The following TNPO2 variants were observed in gnomAD, a reference collection of about 807,000 sequenced individuals.
TNPO2 encodes transportin 2, also known as transportin-2.
TNPO2 carries 16 observed loss-of-function variants against 111.1 expected under a neutral mutation model. The observed-to-expected ratio is 0.14, with a 90% CI of 0.10 to 0.22. TNPO2 has a LOEUF of 0.22. Among genes scored for constraint, TNPO2 ranks in the 10% least tolerant of loss-of-function variants. The pLI, the probability that TNPO2 is intolerant of heterozygous loss-of-function variation, is 1.00. For missense variants in TNPO2, 530 were observed against 1,173.7 expected, an observed-to-expected ratio of 0.45 and a Z score of 8.01; for synonymous variants, 481 against 475.8, an observed-to-expected ratio of 1.01 and a Z score of -0.14.
intron 20 of TNPO2, 193 bp from the exon 21 acceptor site, chr19:12,703,111 C>A (rs1436708642): frequency 6.7e-6 from 4 of 598,376 alleles, no homozygotes; most frequent in Middle Eastern, 4.4e-4. Context: ...GACCCACACC[C>A]TCCAAACAAC....
At chr19:12,710,142 C>T (rs775789195) in intron 13 of TNPO2, among the ~76,000 whole-genome samples, 1 of 152,084 alleles carries the variant, frequency 6.6e-6, no homozygotes, top group Non-Finnish European at 1.5e-5. Flanking sequence ...CCACCTACCA[C>T]GGGTTACTAC....
chr19:12,705,076 C>T lies in TNPO2; in HGVS notation c.2022+164G>A, dbSNP rs973352043. Among the ~76,000 whole-genome samples, 1 of 152,198 alleles carries T rather than the reference C, an allele frequency of 6.6e-6. No homozygotes were observed. Among genetic ancestry groups the T allele is most frequent in the Middle Eastern group, 3.4e-3 (1 of 294 alleles). On this transcript the variant is annotated intron_variant, in intron 18 of 25. Coordinates refer to ENST00000425528, the MANE Select transcript of TNPO2 (RefSeq NM_001382241.1). The surrounding 1 kb of genome is among the most constrained non-coding windows in gnomAD (Gnocchi z 7.2). Reference sequence around the variant, plus strand: ...TGTTGCCCAGGCTGGTCTCAAACTCCTGGGCTCAAGCAATCCTGCCTCGGC... The same window carrying T: ...TGTTGCCCAGGCTGGTCTCAAACTCTTGGGCTCAAGCAATCCTGCCTCGGC...
Position 12,706,651 on chromosome 19 carries a change from T to G in TNPO2, c.1415A>C (p.Asp472Ala). ...YAHWVVSQPP[D>A]MHLKPLMTEL... ...TGTCATCAGGGGCTTGAGGTGCATG[T>G]CGGGTGGCTGGCTGACCACCCAGTG... The change falls in exon 14 of 26, where the codon GAC becomes GCC. Residue 472 changes from aspartate to alanine, a missense_variant. Asp to Ala is a moderately radical substitution (Grantham distance 126). Around this residue, in one of 4 missense-constraint regions of TNPO2, gnomAD observed 183 missense variants for 481.0 expected, o/e 0.38. Coordinates refer to ENST00000425528, the MANE Select transcript of TNPO2 (RefSeq NM_001382241.1). The surrounding 1 kb of genome is among the most constrained non-coding windows in gnomAD (Gnocchi z 7.0). 1 of 1,613,956 alleles carries G rather than the reference T, an allele frequency of 6.2e-7. No individual in the cohort carries two copies. Among genetic ancestry groups the G allele is most frequent in the Non-Finnish European group, 8.5e-7 (1 of 1,179,882 alleles).
chr19:12,718,032 T>C (rs1381424622), intron 5 of TNPO2, among the ~76,000 whole-genome samples: 3 of 151,622 alleles, frequency 2.0e-5, no homozygotes, highest in Non-Finnish European at 4.4e-5. Context: ...TGAGATGGAG[T>C]CTTGCTCTGT....
intron 2 of TNPO2, chr19:12,722,354 C>G (rs1486701317): frequency 6.6e-6 from 1 of 150,642 alleles, no homozygotes; most frequent in Middle Eastern, 3.2e-3. Context: ...AACCGGCTTC[C>G]CGGCCTTTCC....
At chr19:12,720,752 G>A in intron 3 of TNPO2, 127 bp downstream of exon 3, 1 of 1,175,402 alleles carries the variant, frequency 8.5e-7, no homozygotes, top group Non-Finnish European at 1.2e-6. Context: ...TCTGTCCAGG[G>A]CAGATCCTCC....
intron 5 of TNPO2, among the ~76,000 whole-genome samples, 173 bp downstream of exon 5, chr19:12,718,856 C>T (rs952791918): frequency 2.0e-5 from 3 of 152,118 alleles, no homozygotes; most frequent in African/African-American, 7.2e-5. Flanking sequence ...CTGCTGCTTA[C>T]CCAGACAGGT....
chr19:12,707,634 G>A (rs67226103), intron 13 of TNPO2, among the ~76,000 whole-genome samples: 32,731 of 150,042 alleles, frequency 0.22, 4,506 homozygotes, highest in Non-Finnish European at 0.29. Flanking sequence ...GACTGCAGGC[G>A]CCCGCCACCA....
chr19:12,722,622 AG>A (rs1967075932), intron 2 of TNPO2: 1 of 145,584 alleles, frequency 6.9e-6, no homozygotes. Context: ...ACGCGGCCGT[AG>A]GTGAGCCGCC....
At position 12,712,644 on chromosome 19, in the gene TNPO2, C is replaced by A. The variant is rs536232813; in HGVS notation, c.891-1031G>T. Among the ~76,000 whole-genome samples, 17 of 152,320 alleles carry A rather than the reference C, an allele frequency of 1.1e-4. 1 individual carries two copies. In the East Asian group the frequency reaches 3.3e-3, roughly 29 times the overall value. ...GCCTCGGCTGCCAGGCAGGGAAGGGCCCCCTGTCCAGTGGACACGTGACCC... is the reference window on the plus strand; with the variant it reads ...GCCTCGGCTGCCAGGCAGGGAAGGGACCCCTGTCCAGTGGACACGTGACCC... On this transcript the variant is annotated intron_variant, in intron 10 of 25. Transcript: ENST00000425528.
Position 12,705,798 on chromosome 19 carries a change from C to A in TNPO2, c.1669-30G>T. On this transcript the variant is annotated intron_variant, in intron 15 of 25. Coordinates refer to ENST00000425528, the MANE Select transcript of TNPO2 (RefSeq NM_001382241.1). The surrounding 1 kb of genome is among the most constrained non-coding windows in gnomAD (Gnocchi z 7.2). ...AGAGGGAGCACGAAATGGGCGCTCC[C>A]TGGGTCGGGGTGGCAGACTGTGACT... 2 of 1,431,976 alleles carry A rather than the reference C, an allele frequency of 1.4e-6. No homozygotes were observed. The highest frequency in any genetic ancestry group is 1.9e-6 in the Non-Finnish European group (2 of 1,080,388). The allele number at this position is 1,431,976 out of a possible 1,614,324, so 88.7% of individuals were successfully genotyped here. A position where few individuals can be genotyped will look rare whatever the true frequency, so the allele number is the denominator to read the frequency against.
At chr19:12,716,230 C>G (rs142499673) in intron 5 of TNPO2, among the ~76,000 whole-genome samples, 1 of 152,294 alleles carries the variant, frequency 6.6e-6, no homozygotes, top group East Asian at 1.9e-4. Context: ...TACTGTGAGT[C>G]AACTCTGTTC....
chr19:12,704,859 T>A (rs998177824), intron 18 of TNPO2, among the ~76,000 whole-genome samples: 2 of 152,064 alleles, frequency 1.3e-5, no homozygotes, highest in Admixed American at 6.6e-5. Context: ...ATTTTTGTAT[T>A]TTTCGTAGAG....
rs1392002626 is a variant in TNPO2 at position 12,705,784 on chromosome 19, G to A, written c.1669-16C>T. 11 of 1,446,332 alleles carry A rather than the reference G, an allele frequency of 7.6e-6. No individual in the cohort carries two copies. In the South Asian group the frequency reaches 8.8e-5, roughly 12 times the overall value. 89.6% of individuals were successfully genotyped at this position (1,446,332 alleles called of 1,614,324 possible). A position where few individuals can be genotyped will look rare whatever the true frequency, so the allele number is the denominator to read the frequency against. ...GGATGTATTCCTGGAGAGGGAGCAC[G>A]AAATGGGCGCTCCCTGGGTCGGGGT... On this transcript the variant is annotated splice_polypyrimidine_tract_variant and intron_variant, in intron 15 of 25. Transcript: ENST00000425528. This position sits in a 1 kb window ranked among gnomAD's most constrained non-coding sequence, Gnocchi z 7.2.
In TNPO2 at chr19:12,719,194, C is replaced by T; in HGVS notation, c.176-16G>A. On this transcript the variant is annotated splice_polypyrimidine_tract_variant and intron_variant, in intron 4 of 25. Coordinates refer to ENST00000425528, the MANE Select transcript of TNPO2 (RefSeq NM_001382241.1). The surrounding 1 kb of genome is among the most constrained non-coding windows in gnomAD (Gnocchi z 5.0). ...GTTGGCTCATCTGGGAGGAGGAAGGCTGAGGTTCAGGGGCCCAGGGGGAGA... is the reference window on the plus strand; with the variant it reads ...GTTGGCTCATCTGGGAGGAGGAAGGTTGAGGTTCAGGGGCCCAGGGGGAGA... 6.2e-7 allele frequency: 1 copy of T among 1,613,836 alleles called. No individual in the cohort carries two copies. The highest frequency in any genetic ancestry group is 8.5e-7 in the Non-Finnish European group (1 of 1,179,796).
rs1171372147 is a variant in TNPO2 at position 12,721,679 on chromosome 19, T to C, written c.-13-689A>G. The C allele has an allele frequency of 4.5e-6, 1 of 224,472 alleles. No individual in the cohort carries two copies. The highest frequency in any genetic ancestry group is 8.9e-6 in the Non-Finnish European group (1 of 111,906). 13.9% of individuals were successfully genotyped at this position (224,472 alleles called of 1,614,324 possible). ...CCAAAGCAGTCCCCAGGTAGGTCTC[T>C]GCTGCCTCTTCGAATGAGAGCCAGC... On this transcript the variant is annotated intron_variant, in intron 2 of 25. Transcript: ENST00000425528. The surrounding 1 kb of genome is among the most constrained non-coding windows in gnomAD (Gnocchi z 4.9).
chr19:12,703,026 C>A, intron 20 of TNPO2, 108 bp from the exon 21 acceptor site: 2 of 923,388 alleles, frequency 2.2e-6, no homozygotes, highest in Non-Finnish European at 3.4e-6. Flanking sequence ...AGAGACTGGC[C>A]AACCACTACC....
chr19:12,701,197 G>A lies in TNPO2; in HGVS notation c.*67C>T. On this transcript the variant is annotated 3_prime_UTR_variant, in exon 26 of 26. Coordinates refer to ENST00000425528, the MANE Select transcript of TNPO2 (RefSeq NM_001382241.1). The surrounding 1 kb of genome is among the most constrained non-coding windows in gnomAD (Gnocchi z 5.0). ...AACCAGGGCACAGCGACTTCCGGATGCAGCGCACTCCCCAGTAATCCCTCC... is the reference window on the plus strand; with the variant it reads ...AACCAGGGCACAGCGACTTCCGGATACAGCGCACTCCCCAGTAATCCCTCC... 1 of 625,654 alleles carries A rather than the reference G, an allele frequency of 1.6e-6. No individual in the cohort carries two copies. The highest frequency in any genetic ancestry group is 2.8e-6 in the Non-Finnish European group (1 of 360,340). The allele number at this position is 625,654 out of a possible 1,614,324, so 38.8% of individuals were successfully genotyped here. A position where few individuals can be genotyped will look rare whatever the true frequency, so the allele number is the denominator to read the frequency against.
intron 19 of TNPO2, 65 bp from the exon 20 acceptor site, chr19:12,703,591 C>T: frequency 6.3e-7 from 1 of 1,579,388 alleles, no homozygotes; most frequent in Non-Finnish European, 8.7e-7. Flanking sequence ...GGACCTAGTC[C>T]AGCAGGCCCC....
Sources: allele counts gnomAD v4.1 joint callset (sites outside exome capture counted in the v4.1 genomes callset), GRCh38; gene constraint gnomAD v4.1.1; regional missense constraint gnomAD v4.1.1; non-coding constraint Gnocchi (gnomAD v3.1); transcripts MANE v1.5; gene names NCBI Gene and HGNC (gene_info 2026-07-23, HGNC 2026-07-21).